Variants in PEX13 observed in about 807,000 individuals in gnomAD.
PEX13 encodes peroxisomal biogenesis factor 13, also known as peroxisome biogenesis factor 13.
Under a neutral mutation model 34.5 loss-of-function variants are expected in PEX13, and 28 were observed. The observed-to-expected ratio is 0.81, with a 90% CI of 0.60 to 1.11. The LOEUF is 1.11. PEX13 is among the 50% of genes most tolerant of loss of function. PEX13 has a pLI of 0.00. For synonymous variants in PEX13, 177 were observed against 175.1 expected, an observed-to-expected ratio of 1.01 and a Z score of -0.09; for missense variants, 550 against 491.0, an observed-to-expected ratio of 1.12 and a Z score of -1.13.
chr2:61,027,531 A>G (rs1249781377), intron 1 of PEX13, among the ~76,000 whole-genome samples: 1 of 152,126 alleles, frequency 6.6e-6, no homozygotes, highest in Non-Finnish European at 1.5e-5. Flanking sequence ...TCTTTGTAGG[A>G]GTCAAGGTGG....
Position 61,048,760 on chromosome 2 carries a change from A to AAGATCTTTGAT in PEX13, c.1204_*2dup, listed in dbSNP as rs1402843386. On this transcript the variant is annotated stop_gained and frameshift_variant, in exon 4 of 4. Coordinates refer to ENST00000295030, the MANE Select transcript of PEX13 (RefSeq NM_002618.4). LOFTEE classifies it high-confidence loss of function. ...TCCATTGGGAAAGATGGAGAAAAGC[A>AAGATCTTTGAT]AGATCTTTGATATCTTTCATGTTTG... The AAGATCTTTGAT allele has an allele frequency of 3.1e-6, 5 of 1,612,570 alleles. No individual in the cohort carries two copies. The highest frequency in any genetic ancestry group is 1.7e-5 in the Admixed American group (1 of 60,004).
intron 1 of PEX13, among the ~76,000 whole-genome samples, chr2:61,020,019 C>T (rs1379250211): frequency 1.3e-5 from 2 of 152,082 alleles, no homozygotes; most frequent in African/African-American, 4.8e-5. Flanking sequence ...GTCAGGAGAT[C>T]GAGACCATCC....
At chr2:61,024,004 C>G (rs1442226681) in intron 1 of PEX13, among the ~76,000 whole-genome samples, 1 of 152,046 alleles carries the variant, frequency 6.6e-6, no homozygotes, top group Admixed American at 6.6e-5. Flanking sequence ...ACCATGTTGC[C>G]AAGGCCGATC....
At chr2:61,026,344 C>CTTTTT (rs71402320) in intron 1 of PEX13, among the ~76,000 whole-genome samples, 3 of 121,222 alleles carry the variant, frequency 2.5e-5, no homozygotes, top group Non-Finnish European at 3.4e-5. Flanking sequence ...TTTCTTTTTT[C>CTTTTT]TTTTTTTTTT....
chr2:61,044,332 A>G (rs1322688581), intron 2 of PEX13, among the ~76,000 whole-genome samples: 1 of 152,110 alleles, frequency 6.6e-6, no homozygotes. Context: ...TGCGTAGTGC[A>G]GTCTCGGCTC....
At chr2:61,032,136 G>C in intron 2 of PEX13, 23 bp downstream of exon 2, 1 of 1,457,200 alleles carries the variant, frequency 6.9e-7, no homozygotes. Flanking sequence ...TAAGGGAACA[G>C]GTTCAGATAC....
intron 2 of PEX13, among the ~76,000 whole-genome samples, chr2:61,041,921 G>C (rs1167376606): frequency 6.6e-6 from 1 of 152,172 alleles, no homozygotes; most frequent in Non-Finnish European, 1.5e-5. Context: ...TTTTTTATCT[G>C]AGTCAAAAGG....
intron 2 of PEX13, among the ~76,000 whole-genome samples, chr2:61,033,370 T>C (rs1194216491): frequency 1.3e-5 from 2 of 152,190 alleles, no homozygotes; most frequent in Non-Finnish European, 2.9e-5. Flanking sequence ...ATGAGGTATA[T>C]AAAGGCAAAG....
chr2:61,026,223 C>G (rs550453996), intron 1 of PEX13, among the ~76,000 whole-genome samples: 1 of 152,042 alleles, frequency 6.6e-6, no homozygotes, highest in African/African-American at 2.4e-5. Flanking sequence ...ACAACCATTA[C>G]TTAAAATAGA....
intron 1 of PEX13, among the ~76,000 whole-genome samples, chr2:61,019,952 T>C (rs1330926122): frequency 6.6e-6 from 1 of 152,232 alleles, no homozygotes; most frequent in Non-Finnish European, 1.5e-5. Flanking sequence ...ATTTATCTTT[T>C]TGCCTTAAAT....
At chr2:61,042,378 A>G (rs993252325) in intron 2 of PEX13, among the ~76,000 whole-genome samples, 1 of 152,204 alleles carries the variant, frequency 6.6e-6, no homozygotes, top group Non-Finnish European at 1.5e-5. Context: ...ATACATTGTT[A>G]TACTACAGTG....
At chr2:61,040,333 A>G (rs1047541122) in intron 2 of PEX13, among the ~76,000 whole-genome samples, 1 of 152,188 alleles carries the variant, frequency 6.6e-6, no homozygotes, top group Non-Finnish European at 1.5e-5. Flanking sequence ...CTTGGAACCA[A>G]CCCACATGTC....
chr2:61,044,245 C>T (rs1166939147), intron 2 of PEX13, among the ~76,000 whole-genome samples: 1 of 151,962 alleles, frequency 6.6e-6, no homozygotes, highest in Non-Finnish European at 1.5e-5. Flanking sequence ...ACCACCATGT[C>T]CAGCCCAGAC....
chr2:61,024,591 C>T (rs949701197), intron 1 of PEX13, among the ~76,000 whole-genome samples: 12 of 152,208 alleles, frequency 7.9e-5, no homozygotes, highest in South Asian at 4.1e-4. Flanking sequence ...GCGTGGATCA[C>T]GAGGTCAGGA....
intron 1 of PEX13, chr2:61,018,559 C>T (rs1230986992): frequency 3.8e-6 from 1 of 264,244 alleles, no homozygotes; most frequent in Non-Finnish European, 7.1e-6. Flanking sequence ...TGTTTCGTGG[C>T]CTCGTGTGGC....
chr2:61,045,813 C>T lies in PEX13; in HGVS notation c.875C>T (p.Ser292Phe). 1 of 1,613,226 alleles carries T rather than the reference C, an allele frequency of 6.2e-7. No homozygotes were observed. The highest frequency in any genetic ancestry group is 2.2e-5 in the East Asian group (1 of 44,858). ...DFAAVSEEEISFRAGDMLNLA... is the reference protein window; with the variant it reads ...DFAAVSEEEIFFRAGDMLNLA... The stretch of plus-strand genomic sequence containing the variant: ...GCTGCCGTATCTGAAGAAGAAATTT[C>T]TTTCCGGGCTGGTGATATGCTGAAC... The change falls in exon 3 of 4, where the codon TCT becomes TTT. Residue 292 changes from serine to phenylalanine, a missense_variant. Transcript: ENST00000295030.
chr2:61,026,992 C>G (rs1043103376), intron 1 of PEX13, among the ~76,000 whole-genome samples: 18 of 151,858 alleles, frequency 1.2e-4, no homozygotes, highest in African/African-American at 4.4e-4. Flanking sequence ...TCTCCCTGTT[C>G]CCTCTACCTA....
At chr2:61,018,435 T>G in intron 1 of PEX13, 1 of 999,872 alleles carries the variant, frequency 1.0e-6, no homozygotes, top group Non-Finnish European at 1.4e-6. Flanking sequence ...GGATGGACTT[T>G]GTGTGCAAAA....
At chr2:61,045,338 A>C (rs910103737) in intron 2 of PEX13, among the ~76,000 whole-genome samples, 15 of 152,236 alleles carry the variant, frequency 9.9e-5, no homozygotes, top group African/African-American at 3.6e-4. Context: ...ACCAAAAAGA[A>C]ACATGGTTAT....
Sources: gnomAD v4.1 joint callset for allele counts (sites outside exome capture counted in the v4.1 genomes callset) on GRCh38, gnomAD v4.1.1 for gene constraint, MANE v1.5 for transcripts, NCBI Gene and HGNC (gene_info 2026-07-23, HGNC 2026-07-21) for gene names.